The following MIPOL1 variants were observed in gnomAD, a reference collection of about 807,000 sequenced individuals.
The protein encoded by MIPOL1 is mirror-image polydactyly gene 1 protein.
A neutral mutation model predicts 60.9 loss-of-function variants in MIPOL1; 57 were observed. The observed-to-expected ratio is 0.94, with a 90% CI of 0.76 to 1.17. The LOEUF (loss-of-function observed/expected upper bound fraction) is 1.17, where lower values mean the gene tolerates loss of function less well. MIPOL1 is among the 50% of genes most tolerant of loss of function. The probability of loss-of-function intolerance (pLI) is 0.00; values close to 1 mark genes in which losing one functional copy is unlikely to be tolerated. For synonymous variants in MIPOL1, 179 were observed against 168.8 expected, an observed-to-expected ratio of 1.06 and a Z score of -0.47; for missense variants, 551 against 511.6, an observed-to-expected ratio of 1.08 and a Z score of -0.74.
chr14:37,355,588 T>C (rs2091753777), intron 9 of MIPOL1, among the ~76,000 whole-genome samples: 1 of 116,544 alleles, frequency 8.6e-6, no homozygotes, highest in Non-Finnish European at 1.9e-5. Flanking sequence ...TCATATTTCT[T>C]GGAGGCTTTG....
intron 3 of MIPOL1, among the ~76,000 whole-genome samples, chr14:37,249,881 A>G (rs1213322984): frequency 1.3e-5 from 2 of 152,184 alleles, no homozygotes; most frequent in African/African-American, 4.8e-5. Context: ...TTCACACATC[A>G]TATTGCTGTA....
intron 12 of MIPOL1, among the ~76,000 whole-genome samples, chr14:37,529,639 C>T (rs1427158651): frequency 6.6e-6 from 1 of 152,004 alleles, no homozygotes; most frequent in Non-Finnish European, 1.5e-5. Context: ...ACAGGTAATA[C>T]GGCGACAAGG....
chr14:37,485,089 C>T (rs1262242903), intron 11 of MIPOL1, among the ~76,000 whole-genome samples: 2 of 152,014 alleles, frequency 1.3e-5, no homozygotes, highest in Non-Finnish European at 2.9e-5. Flanking sequence ...TGAGAACATG[C>T]GGTGTTTGGT....
At chr14:37,508,098 A>G (rs1030758922) in intron 12 of MIPOL1, among the ~76,000 whole-genome samples, 1 of 152,136 alleles carries the variant, frequency 6.6e-6, no homozygotes, top group Admixed American at 6.5e-5. Flanking sequence ...AAGGAAACCA[A>G]CTTATAAGAC....
chr14:37,428,672 T>C (rs1213036440), intron 11 of MIPOL1, among the ~76,000 whole-genome samples: 4 of 150,992 alleles, frequency 2.6e-5, no homozygotes, highest in African/African-American at 9.7e-5. Context: ...TTTTTTTTTT[T>C]TTTTTTCTGG....
At chr14:37,514,829 C>T (rs889392522) in intron 12 of MIPOL1, among the ~76,000 whole-genome samples, 1 of 152,030 alleles carries the variant, frequency 6.6e-6, no homozygotes, top group African/African-American at 2.4e-5. Flanking sequence ...CCATGTTGGT[C>T]AGGTATACTC....
At chr14:37,410,558 A>G (rs1462003016) in intron 10 of MIPOL1, among the ~76,000 whole-genome samples, 2 of 152,134 alleles carry the variant, frequency 1.3e-5, no homozygotes, top group Non-Finnish European at 2.9e-5. Context: ...GAACCTCCCA[A>G]CCAGGAAGGA....
At chr14:37,214,735 G>A (rs569871852) in intron 1 of MIPOL1, among the ~76,000 whole-genome samples, 3 of 152,148 alleles carry the variant, frequency 2.0e-5, no homozygotes, top group Non-Finnish European at 4.4e-5. Flanking sequence ...CCTCTGTCAC[G>A]CCTGGACAGG....
At chr14:37,236,982 G>A (rs1269208826) in intron 1 of MIPOL1, among the ~76,000 whole-genome samples, 2 of 152,102 alleles carry the variant, frequency 1.3e-5, no homozygotes, top group African/African-American at 4.8e-5. Context: ...TCTTGCCTGG[G>A]CATGTGCGGG....
At chr14:37,200,346 T>TCC in intron 1 of MIPOL1, among the ~76,000 whole-genome samples, 1 of 152,346 alleles carries the variant, frequency 6.6e-6, no homozygotes, top group Non-Finnish European at 1.5e-5. Context: ...AAACAGTTGT[T>TCC]AAAAGATAAC....
intron 10 of MIPOL1, among the ~76,000 whole-genome samples, chr14:37,371,989 TTTAG>T (rs1365112168): frequency 3.9e-5 from 6 of 152,166 alleles, no homozygotes; most frequent in African/African-American, 1.4e-4. Flanking sequence ...TGATTTAATA[TTTAG>T]TTAGTATCTA....
At chr14:37,367,158 A>C (rs564363227) in intron 9 of MIPOL1, among the ~76,000 whole-genome samples, 130 of 152,144 alleles carry the variant, frequency 8.5e-4, no homozygotes, top group Admixed American at 1.9e-3. Flanking sequence ...CCACTTCCTG[A>C]TGAATAAACT....
chr14:37,423,034 A>G, intron 11 of MIPOL1, 85 bp downstream of exon 11: 1 of 784,236 alleles, frequency 1.3e-6, no homozygotes, highest in Non-Finnish European at 2.1e-6. Context: ...TGAATGAGGA[A>G]ATACCTCAAT....
chr14:37,513,617 G>C (rs1367176385), intron 12 of MIPOL1, among the ~76,000 whole-genome samples: 1 of 152,020 alleles, frequency 6.6e-6, no homozygotes, highest in Non-Finnish European at 1.5e-5. Context: ...CCAGGCTAAA[G>C]AAGAAAAAGG....
intron 10 of MIPOL1, among the ~76,000 whole-genome samples, chr14:37,380,807 G>A (rs756451066): frequency 5.3e-5 from 8 of 152,060 alleles, no homozygotes; most frequent in Non-Finnish European, 1.0e-4. Context: ...TATACATTTT[G>A]TAATATGCCA....
At chr14:37,225,055 C>A (rs1969472218) in intron 1 of MIPOL1, among the ~76,000 whole-genome samples, 1 of 152,164 alleles carries the variant, frequency 6.6e-6, no homozygotes, top group Non-Finnish European at 1.5e-5. Context: ...TGTCTCACAT[C>A]CAGGTCACGC....
chr14:37,389,332 CTTATA>C (rs200197434), intron 10 of MIPOL1, among the ~76,000 whole-genome samples: 1,538 of 152,112 alleles, frequency 0.01, 27 homozygotes, highest in African/African-American at 0.033. Context: ...ATTTCTATTT[CTTATA>C]TTTTCAACTC....
intron 9 of MIPOL1, among the ~76,000 whole-genome samples, chr14:37,316,086 G>A (rs1383636232): frequency 6.6e-6 from 1 of 151,680 alleles, no homozygotes; most frequent in Non-Finnish European, 1.5e-5. Flanking sequence ...GCATGCAGTG[G>A]CGTGATATAA....
intron 11 of MIPOL1, among the ~76,000 whole-genome samples, chr14:37,469,570 A>G (rs1939065816): frequency 6.6e-6 from 1 of 152,020 alleles, no homozygotes; most frequent in African/African-American, 2.4e-5. Flanking sequence ...CGGTCACTCT[A>G]AATTAAGATG....
Sources: gnomAD v4.1 joint callset for allele counts (sites outside exome capture counted in the v4.1 genomes callset) on GRCh38, gnomAD v4.1.1 for gene constraint, MANE v1.5 for transcripts, NCBI Gene and HGNC (gene_info 2026-07-23, HGNC 2026-07-21) for gene names.